The following DPYSL2 variants were observed in gnomAD, a reference collection of about 807,000 sequenced individuals.
DPYSL2 encodes dihydropyrimidinase-related protein 2.
DPYSL2 carries 13 observed loss-of-function variants against 69.9 expected under a neutral mutation model. The ratio of observed to expected loss-of-function variants is 0.19; its 90% CI spans 0.12 to 0.30. The LOEUF (loss-of-function observed/expected upper bound fraction) is 0.30, where lower values mean the gene tolerates loss of function less well. Ranked by LOEUF, DPYSL2 falls within the 10% of genes least tolerant of loss-of-function variation. The probability of loss-of-function intolerance (pLI) is 1.00; values close to 1 mark genes in which losing one functional copy is unlikely to be tolerated. For missense variants in DPYSL2, 587 were observed against 918.9 expected, an observed-to-expected ratio of 0.64 and a Z score of 4.67; for synonymous variants, 326 against 359.1, an observed-to-expected ratio of 0.91 and a Z score of 1.04.
In DPYSL2 at chr8:26,544,546, A is replaced by G. The variant is rs140678202; in HGVS notation, c.354+29867A>G. On this transcript the variant is annotated intron_variant, in intron 1 of 13. Coordinates refer to ENST00000521913, the MANE Select transcript of DPYSL2 (RefSeq NM_001197293.3). Reference sequence around the variant, plus strand: ...GTCTACTATATACACAGTAGTATTGAATAAGCTACACATGTAACAACGGTT... The same window carrying G: ...GTCTACTATATACACAGTAGTATTGGATAAGCTACACATGTAACAACGGTT... Among the ~76,000 whole-genome samples the G allele has an allele frequency of 4.1e-3, 618 of 152,370 alleles. 3 individuals carry two copies. The highest frequency in any genetic ancestry group is 0.014 in the African/African-American group (567 of 41,582).
rs1801638993 is a variant in DPYSL2, at chr8:26,587,815, C to T, written c.628+3832C>T. On this transcript the variant is annotated intron_variant, in intron 3 of 13. Coordinates refer to ENST00000521913, the MANE Select transcript of DPYSL2 (RefSeq NM_001197293.3). The surrounding 1 kb of genome is among the most constrained non-coding windows in gnomAD (Gnocchi z 4.2). ...GAAAACCCTACGGACTTCCCAGGGC[C>T]TTCATGGTCATTTGAGTTCAGGATC... 6.6e-6 allele frequency among the ~76,000 whole-genome samples: 1 copy of T among 152,102 alleles called. No homozygotes were observed. Among genetic ancestry groups the T allele is most frequent in the Non-Finnish European group, 1.5e-5 (1 of 68,018 alleles).
At position 26,641,534 on chromosome 8, in the gene DPYSL2, G is replaced by A. The variant is rs1240245534; in HGVS notation, c.1127-1905G>A. Among the ~76,000 whole-genome samples the A allele has an allele frequency of 2.0e-5, 3 of 152,266 alleles. No individual in the cohort carries two copies. Among genetic ancestry groups the A allele is most frequent in the African/African-American group, 7.2e-5 (3 of 41,470 alleles). On this transcript the variant is annotated intron_variant, in intron 8 of 13. Transcript: ENST00000521913. The surrounding 1 kb of genome is among the most constrained non-coding windows in gnomAD (Gnocchi z 4.1). The stretch of plus-strand genomic sequence containing the variant: ...TTGCATTTTATAAAGGTCTTTGGCA[G>A]CGGCCAAGGCCTTCTCATTATGTGG...
chr8:26,578,472 T>TTAGA, intron 1 of DPYSL2: 2 of 1,457,356 alleles, frequency 1.4e-6, no homozygotes, highest in Non-Finnish European at 1.8e-6. Flanking sequence ...TGATCCAGGA[T>TTAGA]TAGAAGTCGC....
At chr8:26,525,389 T>C (rs1808460567) in intron 1 of DPYSL2, among the ~76,000 whole-genome samples, 2 of 152,176 alleles carry the variant, frequency 1.3e-5, no homozygotes, top group African/African-American at 4.8e-5. Flanking sequence ...GCTGGCTAAC[T>C]TTTAAATGTT....
Position 26,565,080 on chromosome 8 carries a change from G to A in DPYSL2, c.355-16889G>A, listed in dbSNP as rs402261. ...AGAATAATGGCTTCCAGCTCCACCC[G>A]AATTACTGCAAAAGATATTATATCA... On this transcript the variant is annotated intron_variant, in intron 1 of 13. Transcript: ENST00000521913. The surrounding 1 kb of genome is among the most constrained non-coding windows in gnomAD (Gnocchi z 4.1). Among the ~76,000 whole-genome samples, 132,674 of 152,194 alleles carry A rather than the reference G, an allele frequency of 0.87. 58,280 individuals are homozygous for A. The highest frequency in any genetic ancestry group is 0.99 in the East Asian group (5,123 of 5,178).
rs1353576299 is a variant in DPYSL2 at position 26,614,640 on chromosome 8, A to G, written c.629-9503A>G. On this transcript the variant is annotated intron_variant, in intron 3 of 13. Transcript: ENST00000521913. This position sits in a 1 kb window ranked among gnomAD's most constrained non-coding sequence, Gnocchi z 4.9. ...CTTAACACTTCCCCCAGAGTTAGTC[A>G]TAATCATTCTAGCAGGGCTTCTAGA... Among the ~76,000 whole-genome samples the G allele has an allele frequency of 1.3e-5, 2 of 152,204 alleles. No individual in the cohort carries two copies. The highest frequency in any genetic ancestry group is 4.8e-5 in the African/African-American group (2 of 41,452).
At chr8:26,592,811 G>A (rs938415194) in intron 3 of DPYSL2, among the ~76,000 whole-genome samples, 6 of 152,126 alleles carry the variant, frequency 3.9e-5, no homozygotes, top group Non-Finnish European at 8.8e-5. Flanking sequence ...TTGACTGTGG[G>A]TGGCCAAGGG....
intron 3 of DPYSL2, among the ~76,000 whole-genome samples, chr8:26,602,281 A>AT (rs200348393): frequency 0.014 from 2,053 of 150,366 alleles, 25 homozygotes; most frequent in Middle Eastern, 0.068. Flanking sequence ...AGGAAAACTT[A>AT]TTTTTTTTTA....
At chr8:26,519,210 C>T (rs1585484997) in intron 1 of DPYSL2, among the ~76,000 whole-genome samples, 1 of 152,128 alleles carries the variant, frequency 6.6e-6, no homozygotes, top group African/African-American at 2.4e-5. Context: ...TGCAAGCATC[C>T]CTCTTTACTT....
intron 1 of DPYSL2, among the ~76,000 whole-genome samples, chr8:26,535,612 G>C (rs1008738296): frequency 1.3e-5 from 2 of 149,818 alleles, no homozygotes; most frequent in Non-Finnish European, 3.0e-5. Flanking sequence ...ATACAAAACA[G>C]ACTGATATAT....
intron 1 of DPYSL2, among the ~76,000 whole-genome samples, chr8:26,521,856 C>T (rs999397589): frequency 2.6e-5 from 4 of 152,256 alleles, no homozygotes; most frequent in Admixed American, 6.5e-5. Context: ...TGTATGAGTG[C>T]TTCCTTCCTT....
rs895834461 is a variant in DPYSL2, at chr8:26,609,619, C to T, written c.629-14524C>T. 2.0e-5 allele frequency among the ~76,000 whole-genome samples: 3 copies of T among 152,156 alleles called. No individual in the cohort carries two copies. Among genetic ancestry groups the T allele is most frequent in the Non-Finnish European group, 2.9e-5 (2 of 68,038 alleles). On this transcript the variant is annotated intron_variant, in intron 3 of 13. Coordinates refer to ENST00000521913, the MANE Select transcript of DPYSL2 (RefSeq NM_001197293.3). The surrounding 1 kb of genome is among the most constrained non-coding windows in gnomAD (Gnocchi z 6.5). The stretch of plus-strand genomic sequence containing the variant: ...AAGCTGAGACAAACAGAGGAAGTGT[C>T]GTTATTCACATGTTTCTCTGGCCAC...
At chr8:26,634,729 G>C (rs1336914118) in intron 7 of DPYSL2, 51 bp from the exon 8 acceptor site, 1 of 1,612,090 alleles carries the variant, frequency 6.2e-7, no homozygotes, top group South Asian at 1.1e-5. Context: ...AAAGGTAGCG[G>C]CTCGTGGGGT....
At chr8:26,528,997 T>G (rs1402871322) in intron 1 of DPYSL2, among the ~76,000 whole-genome samples, 1 of 151,880 alleles carries the variant, frequency 6.6e-6, no homozygotes, top group African/African-American at 2.4e-5. Flanking sequence ...GAGGATGGAG[T>G]GTGAGCTCTG....
rs920118475 is a variant in DPYSL2, at chr8:26,593,644, G to C, written c.628+9661G>C. On this transcript the variant is annotated intron_variant, in intron 3 of 13. Coordinates refer to ENST00000521913, the MANE Select transcript of DPYSL2 (RefSeq NM_001197293.3). This position sits in a 1 kb window ranked among gnomAD's most constrained non-coding sequence, Gnocchi z 5.7. ...AGTTGCTGTCCTTGGTGTTCGGGAAGGTTTTACTTGGCTAATTCCCTAAAA... is the reference window on the plus strand; with the variant it reads ...AGTTGCTGTCCTTGGTGTTCGGGAACGTTTTACTTGGCTAATTCCCTAAAA... 6.6e-6 allele frequency among the ~76,000 whole-genome samples: 1 copy of C among 152,188 alleles called. No homozygotes were observed.
In DPYSL2 at chr8:26,653,400, A is replaced by G; in HGVS notation, c.1942+3A>G. The G allele has an allele frequency of 1.2e-6, 2 of 1,612,434 alleles. No homozygotes were observed. The highest frequency in any genetic ancestry group is 1.7e-6 in the Non-Finnish European group (2 of 1,179,120). ...CCAGTCTGGATTCAGTTTGTCTGGT[A>G]GGGTTGGGGCTTGGGGAGGGCACAG... On this transcript the variant is annotated splice_donor_region_variant and intron_variant, in intron 13 of 13. Coordinates refer to ENST00000521913, the MANE Select transcript of DPYSL2 (RefSeq NM_001197293.3). This position sits in a 1 kb window ranked among gnomAD's most constrained non-coding sequence, Gnocchi z 5.7.
chr8:26,538,859 G>T (rs919051393), intron 1 of DPYSL2, among the ~76,000 whole-genome samples: 10 of 152,142 alleles, frequency 6.6e-5, no homozygotes, highest in Non-Finnish European at 8.8e-5. Context: ...GATAAAAGAA[G>T]ACCACTGGGC....
At position 26,598,541 on chromosome 8, in the gene DPYSL2, C is replaced by T. The variant is rs1484782182; in HGVS notation, c.628+14558C>T. ...GAATGTTAGTGCCAGCAGAAAGCAC[C>T]AGGAGACACCCGATGTGCCCCCACC... On this transcript the variant is annotated intron_variant, in intron 3 of 13. Transcript: ENST00000521913. The surrounding 1 kb of genome is among the most constrained non-coding windows in gnomAD (Gnocchi z 4.2). Among the ~76,000 whole-genome samples the T allele has an allele frequency of 6.6e-6, 1 of 152,210 alleles. No individual in the cohort carries two copies. The highest frequency in any genetic ancestry group is 1.5e-5 in the Non-Finnish European group (1 of 68,044).
At chr8:26,534,864 C>A (rs996954139) in intron 1 of DPYSL2, among the ~76,000 whole-genome samples, 3 of 152,102 alleles carry the variant, frequency 2.0e-5, no homozygotes, top group Non-Finnish European at 4.4e-5. Context: ...AACTCCTGAC[C>A]TCAAGTAATC....
Sources: gnomAD v4.1 joint callset for allele counts (sites outside exome capture counted in the v4.1 genomes callset) on GRCh38, gnomAD v4.1.1 for gene constraint, Gnocchi (gnomAD v3.1) non-coding constraint, MANE v1.5 for transcripts, NCBI Gene and HGNC (gene_info 2026-07-23, HGNC 2026-07-21) for gene names.